Variants in FRMD6 observed in about 807,000 individuals in gnomAD.
FRMD6 encodes the protein FERM domain containing 6.
In FRMD6, 37 loss-of-function variants were observed where a neutral mutation model predicts 73.2. The ratio of observed to expected loss-of-function variants is 0.51; its 90% CI spans 0.39 to 0.66. The LOEUF is 0.66. Among genes scored for constraint, FRMD6 ranks in the 30% least tolerant of loss-of-function variants. The probability of loss-of-function intolerance (pLI) is 0.00; values close to 1 mark genes in which losing one functional copy is unlikely to be tolerated. For synonymous variants in FRMD6, 273 were observed against 282.2 expected (o/e 0.97, Z 0.33); for missense variants, 714 against 780.5 (o/e 0.91, Z 1.02).
At position 51,633,621 on chromosome 14, in the gene FRMD6, A is replaced by AAAAAAAAAG. The variant is rs143710280; in HGVS notation, c.-146-56070_-146-56069insAAAAAAAAG. On this transcript the variant is annotated intron_variant, in intron 2 of 14. Coordinates refer to the FRMD6 transcript ENST00000356218. ...GTCAAAAAAAAAAAAAAAAAAAAAA[A>AAAAAAAAAG]GAAATAATTATATGTCATAGTTTAA... Among the ~76,000 whole-genome samples, 170 of 99,340 alleles carry AAAAAAAAAG rather than the reference A, an allele frequency of 1.7e-3. 5 individuals are homozygous for AAAAAAAAAG. Among genetic ancestry groups the AAAAAAAAAG allele is most frequent in the Non-Finnish European group, 2.0e-3 (103 of 51,662 alleles). 65.2% of individuals were successfully genotyped at this position (99,340 alleles called of 152,430 possible).
intron 1 of FRMD6, among the ~76,000 whole-genome samples, chr14:51,659,167 C>T (rs368746999): frequency 2.0e-5 from 3 of 152,156 alleles, no homozygotes; most frequent in Non-Finnish European, 2.9e-5. Context: ...CCATGTGTAA[C>T]CTTGGGGAAG....
Position 51,720,154 on chromosome 14 carries a change from G to T in FRMD6, c.1124G>T (p.Ser375Ile), listed in dbSNP as rs773759422. ...RSRASGSSAGSMKHKRLSRHS... is the reference protein window; with the variant it reads ...RSRASGSSAGIMKHKRLSRHS... ...CGGGCCAGCGGGAGCAGTGCGGGCA[G>T]CATGAAACACAAGCGCCTGTCCCGT... The change falls in exon 11 of 14, where the codon AGC becomes ATC. Residue 375 changes from serine to isoleucine, a missense_variant. Ser to Ile is a moderately radical substitution (Grantham distance 142, BLOSUM62 -2). Transcript: ENST00000344768. 6.2e-7 allele frequency: 1 copy of T among 1,613,830 alleles called. No homozygotes were observed. The highest frequency in any genetic ancestry group is 8.5e-7 in the Non-Finnish European group (1 of 1,180,064).
the FRMD6 span, among the ~76,000 whole-genome samples, chr14:51,452,539 C>T: frequency 1.3e-5 from 2 of 152,136 alleles, no homozygotes; most frequent in Non-Finnish European, 2.9e-5. Flanking sequence ...GTTAGGATAT[C>T]AAGAAGGCAC....
At chr14:51,491,995 T>C (rs1338284459) in intron 1 of FRMD6, among the ~76,000 whole-genome samples, 1 of 152,206 alleles carries the variant, frequency 6.6e-6, no homozygotes, top group Non-Finnish European at 1.5e-5. Context: ...GACATTTATC[T>C]TGGTCTTTGT....
chr14:51,469,630 A>G, the FRMD6 span, among the ~76,000 whole-genome samples: 6 of 151,612 alleles, frequency 4.0e-5, no homozygotes, highest in East Asian at 9.7e-4. Context: ...AAAAAAAAAA[A>G]AAAAAAAAAG....
At chr14:51,655,719 G>A (rs185462914) in intron 1 of FRMD6, among the ~76,000 whole-genome samples, 2 of 152,068 alleles carry the variant, frequency 1.3e-5, no homozygotes, top group East Asian at 3.9e-4. Flanking sequence ...AAAGAATAAG[G>A]TATTTTTAGC....
At chr14:51,508,270 C>T (rs1315915072) in intron 1 of FRMD6, among the ~76,000 whole-genome samples, 1 of 152,238 alleles carries the variant, frequency 6.6e-6, no homozygotes, top group Non-Finnish European at 1.5e-5. Context: ...TGCCCATACT[C>T]ATAAATCTAG....
At chr14:51,657,264 T>C (rs564828517) in intron 1 of FRMD6, among the ~76,000 whole-genome samples, 1 of 152,314 alleles carries the variant, frequency 6.6e-6, no homozygotes, top group South Asian at 2.1e-4. Flanking sequence ...TGTTACTGAA[T>C]TATACACAAC....
At chr14:51,621,729 A>G (rs973875841) in intron 2 of FRMD6, among the ~76,000 whole-genome samples, 1 of 152,196 alleles carries the variant, frequency 6.6e-6, no homozygotes, top group African/African-American at 2.4e-5. Context: ...ACACAACAGA[A>G]CAGAACCTTC....
chr14:51,689,056 A>G (rs1895368147), intron 1 of FRMD6, among the ~76,000 whole-genome samples: 1 of 152,244 alleles, frequency 6.6e-6, no homozygotes, highest in Non-Finnish European at 1.5e-5. Flanking sequence ...ATAATAGAAA[A>G]ATCAAGTATG....
At chr14:51,726,425 C>T (rs1897955656) in intron 13 of FRMD6, among the ~76,000 whole-genome samples, 1 of 152,184 alleles carries the variant, frequency 6.6e-6, no homozygotes, top group Admixed American at 6.5e-5. Flanking sequence ...CCTCCCTCCT[C>T]CTGCCTTTCT....
At chr14:51,620,000 A>G (rs1386628712) in intron 2 of FRMD6, among the ~76,000 whole-genome samples, 2 of 152,180 alleles carry the variant, frequency 1.3e-5, no homozygotes, top group African/African-American at 4.8e-5. Context: ...TGACCAGCAA[A>G]TAGCGGTGAG....
At chr14:51,443,628 A>G in the FRMD6 span, among the ~76,000 whole-genome samples, 1 of 152,294 alleles carries the variant, frequency 6.6e-6, no homozygotes, top group East Asian at 1.9e-4. Context: ...CAGGATGAGG[A>G]GTTGGTCTTT....
At chr14:51,441,313 A>G in the FRMD6 span, among the ~76,000 whole-genome samples, 2 of 152,176 alleles carry the variant, frequency 1.3e-5, no homozygotes, top group South Asian at 4.1e-4. Flanking sequence ...CTATCAGGCA[A>G]TTGCTGGGCC....
intron 1 of FRMD6, among the ~76,000 whole-genome samples, chr14:51,504,504 C>A (rs555786689): frequency 6.6e-6 from 1 of 152,344 alleles, no homozygotes; most frequent in African/African-American, 2.4e-5. Flanking sequence ...CAAGGGACAG[C>A]TCTCAGCTTC....
intron 1 of FRMD6, among the ~76,000 whole-genome samples, chr14:51,513,656 GTAT>G (rs1884452408): frequency 6.6e-6 from 1 of 150,860 alleles, no homozygotes; most frequent in African/African-American, 2.4e-5. Context: ...GAGGATTTCT[GTAT>G]TATTTAGAGC....
At chr14:51,436,308 C>G in the FRMD6 span, 1 of 375,156 alleles carries the variant, frequency 2.7e-6, no homozygotes. Context: ...TGCCAAAATC[C>G]CAGATTTTTG....
chr14:51,621,812 C>G (rs1890938559), intron 2 of FRMD6, among the ~76,000 whole-genome samples: 1 of 151,594 alleles, frequency 6.6e-6, no homozygotes, highest in African/African-American at 2.4e-5. Context: ...CTACCAGACC[C>G]AGCTGGGTCA....
At chr14:51,625,481 G>C (rs774241338) in intron 2 of FRMD6, among the ~76,000 whole-genome samples, 3 of 151,044 alleles carry the variant, frequency 2.0e-5, no homozygotes, top group Admixed American at 1.3e-4. Context: ...TGTTGTTAAT[G>C]ATGGTGAAAA....
Sources: allele counts gnomAD v4.1 joint callset (sites outside exome capture counted in the v4.1 genomes callset), GRCh38; gene constraint gnomAD v4.1.1; transcripts MANE v1.5; gene names NCBI Gene and HGNC (gene_info 2026-07-23, HGNC 2026-07-21).